Variants in METTL22 observed in about 807,000 individuals in gnomAD.
The protein encoded by METTL22 is methyltransferase 22, Kin17 lysine.
In METTL22, 51 loss-of-function variants were observed where a neutral mutation model predicts 48.4. The ratio of observed to expected loss-of-function variants is 1.05; its 90% confidence interval spans 0.84 to 1.33. The LOEUF is 1.33. Ranked by LOEUF, METTL22 falls within the 40% of genes most tolerant of loss-of-function variation. The pLI, the probability that METTL22 is intolerant of heterozygous loss-of-function variation, is 0.00. For synonymous variants in METTL22, 255 were observed against 214.1 expected, an observed-to-expected ratio of 1.19 and a Z score of -1.67; for missense variants, 678 against 526.9, an observed-to-expected ratio of 1.29 and a Z score of -2.81.
At chr16:8,657,507 C>T in the METTL22 span, among the ~76,000 whole-genome samples, 3 of 152,140 alleles carry the variant, frequency 2.0e-5, no homozygotes, top group Non-Finnish European at 2.9e-5. Flanking sequence ...TAACTAAAGG[C>T]AGGAAGACTT....
intron 6 of METTL22, among the ~76,000 whole-genome samples, chr16:8,640,532 G>GAA: frequency 7.8e-6 from 1 of 127,418 alleles, no homozygotes; most frequent in African/African-American, 2.9e-5. Context: ...TGATGGATGA[G>GAA]GAGGGAAGGA....
downstream of METTL22, among the ~76,000 whole-genome samples, chr16:8,650,886 C>T (rs1380986810): frequency 6.6e-6 from 1 of 152,046 alleles, no homozygotes; most frequent in Non-Finnish European, 1.5e-5. Context: ...AATAGCTGGG[C>T]ATGGTGGCGT....
At position 8,635,162 on chromosome 16, in the gene METTL22, C is replaced by T. The variant is rs772423203; in HGVS notation, c.556-6C>T. 1.2e-6 allele frequency: 2 copies of T among 1,613,182 alleles called. No individual in the cohort carries two copies. Among genetic ancestry groups the T allele is most frequent in the Non-Finnish European group, 1.7e-6 (2 of 1,179,476 alleles). ...TGCTTGTCGCTCCTTGTCCTCTTCC[C>T]TCCAGGTGTGGCGGGGCGCCCTGCT... On this transcript the variant is annotated splice_polypyrimidine_tract_variant and splice_region_variant and intron_variant, in intron 4 of 10. Transcript: ENST00000381920.
intron 9 of METTL22, among the ~76,000 whole-genome samples, chr16:8,644,063 T>G (rs1293095179): frequency 2.6e-5 from 4 of 152,176 alleles, no homozygotes; most frequent in Non-Finnish European, 4.4e-5. Context: ...TTGGGAGACC[T>G]GTTTCTGAAG....
the METTL22 span, among the ~76,000 whole-genome samples, chr16:8,656,443 T>C: frequency 3.3e-5 from 5 of 152,162 alleles, no homozygotes; most frequent in South Asian, 2.1e-4. Context: ...CAACTAACTA[T>C]TGGAGAAGCA....
intron 10 of METTL22, 115 bp downstream of exon 10, chr16:8,644,840 A>AG: frequency 8.6e-7 from 1 of 1,162,982 alleles, no homozygotes; most frequent in Non-Finnish European, 1.2e-6. Flanking sequence ...CTAGTCCTGC[A>AG]GGGGGTGAAG....
intron 6 of METTL22, among the ~76,000 whole-genome samples, chr16:8,640,474 A>G (rs1240355506): frequency 6.7e-6 from 1 of 149,700 alleles, no homozygotes; most frequent in Non-Finnish European, 1.5e-5. Context: ...CACTCAAAAA[A>G]TGCTGGAAGA....
chr16:8,639,243 G>A, intron 6 of METTL22, 81 bp downstream of exon 6: 1 of 1,372,590 alleles, frequency 7.3e-7, no homozygotes. Flanking sequence ...CCATGACATT[G>A]GGAGGCAGGG....
chr16:8,646,809 C>A lies in METTL22; in HGVS notation c.*666C>A, dbSNP rs957596229. The stretch of plus-strand genomic sequence containing the variant: ...GCAGTGATCTTCCTCAGAGGTGTTC[C>A]CTTCCGCCTGGACTCATTTTCCCTC... On this transcript the variant is annotated 3_prime_UTR_variant, in exon 11 of 11. Coordinates refer to ENST00000381920, the MANE Select transcript of METTL22 (RefSeq NM_024109.4). 3.3e-5 allele frequency: 13 copies of A among 392,666 alleles called. No homozygotes were observed. The highest frequency in any genetic ancestry group is 6.1e-5 in the Non-Finnish European group (12 of 195,944). 24.3% of individuals were successfully genotyped at this position (392,666 alleles called of 1,614,324 possible). A position where few individuals can be genotyped will look rare whatever the true frequency, so the allele number is the denominator to read the frequency against.
In METTL22 at chr16:8,644,553, G is replaced by A. The variant is rs780879685; in HGVS notation, c.1011-4G>A. On this transcript the variant is annotated splice_region_variant and splice_polypyrimidine_tract_variant and intron_variant, in intron 9 of 10. Coordinates refer to ENST00000381920, the MANE Select transcript of METTL22 (RefSeq NM_024109.4). ...GTTTGTGCGTCCGACTGGCTGGTTTGCAGGCTCAACTTCACATTGAGACAC... is the reference window on the plus strand; with the variant it reads ...GTTTGTGCGTCCGACTGGCTGGTTTACAGGCTCAACTTCACATTGAGACAC... The A allele has an allele frequency of 1.3e-6, 2 of 1,536,006 alleles. No homozygotes were observed. Among genetic ancestry groups the A allele is most frequent in the Non-Finnish European group, 1.8e-6 (2 of 1,137,618 alleles).
At chr16:8,642,672 C>A in intron 9 of METTL22, 107 bp downstream of exon 9, 1 of 1,045,882 alleles carries the variant, frequency 9.6e-7, no homozygotes, top group Non-Finnish European at 1.5e-6. Flanking sequence ...CTCAGTGCCA[C>A]TTATTGAGCA....
Position 8,628,984 on chromosome 16 carries a change from G to A in METTL22, c.388G>A (p.Ala130Thr). The change falls in exon 3 of 11, where the codon GCC (alanine) becomes ACC (threonine). Residue 130 changes from alanine (A) to threonine (T), a missense_variant. Ala to Thr is a moderately conservative substitution (Grantham distance 58, BLOSUM62 0). Transcript: ENST00000381920. ...TTTGGACGTGGTGAGAAGACCACGAGCCGCCTCTGATTCCAACCCAGCAGG... is the reference window on the plus strand; with the variant it reads ...TTTGGACGTGGTGAGAAGACCACGAACCGCCTCTGATTCCAACCCAGCAGG... The part of the protein sequence containing the change: ...GDLDVVRRPR[A>T]ASDSNPAGPL... The A allele has an allele frequency of 6.2e-7, 1 of 1,614,102 alleles. No homozygotes were observed. The highest frequency in any genetic ancestry group is 1.1e-5 in the South Asian group (1 of 91,092).
At chr16:8,642,625 C>T (rs1387762293) in intron 9 of METTL22, 60 bp downstream of exon 9, 2 of 1,470,958 alleles carry the variant, frequency 1.4e-6, no homozygotes, top group South Asian at 1.1e-5. Flanking sequence ...ACTCTCACCT[C>T]CTAATTGTGT....
chr16:8,640,146 G>T (rs2056551708), intron 6 of METTL22, among the ~76,000 whole-genome samples: 1 of 152,212 alleles, frequency 6.6e-6, no homozygotes, highest in Non-Finnish European at 1.5e-5. Context: ...AGCTCTGTGG[G>T]TGCAGGTACC....
At chr16:8,633,495 AC>A (rs1259508183) in intron 3 of METTL22, among the ~76,000 whole-genome samples, 4 of 152,140 alleles carry the variant, frequency 2.6e-5, no homozygotes, top group African/African-American at 9.7e-5. Flanking sequence ...AGCCCCAGCT[AC>A]TCGAGAGGCT....
the METTL22 span, among the ~76,000 whole-genome samples, chr16:8,665,539 A>C: frequency 3.3e-5 from 5 of 152,188 alleles, no homozygotes; most frequent in African/African-American, 1.2e-4. Context: ...TCATTTCACA[A>C]AGACTTTTCT....
At position 8,628,767 on chromosome 16, in the gene METTL22, C is replaced by G. The variant is rs778286268; in HGVS notation, c.171C>G (p.Asp57Glu). ...LSQFKLLWSQ[D>E]SWTDSGAKGG... Reference sequence around the variant, plus strand: ...AATTCAAGCTTCTATGGAGCCAAGACTCTTGGACAGATTCAGGAGCCAAGG... The same window carrying G: ...AATTCAAGCTTCTATGGAGCCAAGAGTCTTGGACAGATTCAGGAGCCAAGG... Residue 57 changes from aspartate to glutamate, a missense_variant, in exon 3 of 11, where the codon GAC becomes GAG. Asp to Glu is a conservative substitution (Grantham distance 45). Transcript: ENST00000381920. 3 of 1,614,198 alleles carry G rather than the reference C, an allele frequency of 1.9e-6. No homozygotes were observed. The highest frequency in any genetic ancestry group is 2.5e-6 in the Non-Finnish European group (3 of 1,180,014).
chr16:8,664,983 G>C, the METTL22 span, among the ~76,000 whole-genome samples: 1 of 152,144 alleles, frequency 6.6e-6, no homozygotes. Flanking sequence ...GGTCCCTGGG[G>C]AGGAGGGACT....
chr16:8,635,201 A>T lies in METTL22; in HGVS notation c.589A>T (p.Ile197Phe). 6.2e-7 allele frequency: 1 copy of T among 1,611,306 alleles called. No homozygotes were observed. Among genetic ancestry groups the T allele is most frequent in the Non-Finnish European group, 8.5e-7 (1 of 1,178,462 alleles). The change falls in exon 5 of 11, where the codon ATC becomes TTC. Residue 197 changes from isoleucine (I) to phenylalanine (F), a missense_variant. Ile to Phe is a conservative substitution (Grantham distance 21). Transcript: ENST00000381920. Reference protein sequence around the residue: ...WRGALLLADYILFRQDLFRGC... With the variant: ...WRGALLLADYFLFRQDLFRGC... ...GGGCGCCCTGCTCCTGGCAGACTAC[A>T]TCCTGTTCCGACAGGACCTCTTCCG...
Sources: gnomAD v4.1 joint callset for allele counts (sites outside exome capture counted in the v4.1 genomes callset) on GRCh38, gnomAD v4.1.1 for gene constraint, MANE v1.5 for transcripts, NCBI Gene and HGNC (gene_info 2026-07-23, HGNC 2026-07-21) for gene names.